Variants in RPS6KA2 observed in about 807,000 individuals in gnomAD.
The protein encoded by RPS6KA2 is ribosomal protein S6 kinase A2, also known as ribosomal protein S6 kinase alpha-2.
RPS6KA2 carries 42 observed loss-of-function variants against 91.8 expected under a neutral mutation model. The observed-to-expected ratio is 0.46, with a 90% CI of 0.36 to 0.59. The LOEUF is 0.59. RPS6KA2 is among the 20% of genes least tolerant of loss of function. The pLI is 0.00. For missense variants in RPS6KA2, 798 were observed against 978.5 expected (o/e 0.82, Z 2.46); for synonymous variants, 414 against 393.6 (o/e 1.05, Z -0.61).
chr6:166,788,011 C>T (rs115986362), intron 2 of RPS6KA2, among the ~76,000 whole-genome samples: 19,557 of 146,258 alleles, frequency 0.13, 1,417 homozygotes, highest in Middle Eastern at 0.18. Flanking sequence ...ATCAAAAAGT[C>T]GGCAAAGGAT....
At chr6:166,427,365 G>A (rs1778962938) in intron 16 of RPS6KA2, among the ~76,000 whole-genome samples, 1 of 152,182 alleles carries the variant, frequency 6.6e-6, no homozygotes. Context: ...AGCAAAAACT[G>A]GAAGCATTCC....
rs1237074193 is a variant in RPS6KA2 at position 166,626,616 on chromosome 6, C to T, written c.99+305G>A. ...GCTGCAGAGAAAGCCCCTCCTCACC[C>T]GGGGCTCCCTGTGGCCCACAGGGGA... On this transcript the variant is annotated intron_variant, in intron 1 of 20. Coordinates refer to ENST00000265678, the MANE Select transcript of RPS6KA2 (RefSeq NM_021135.6). The surrounding 1 kb of genome is among the most constrained non-coding windows in gnomAD (Gnocchi z 4.1). 2.0e-5 allele frequency among the ~76,000 whole-genome samples: 3 copies of T among 152,214 alleles called. No homozygotes were observed. Among genetic ancestry groups the T allele is most frequent in the Non-Finnish European group, 2.9e-5 (2 of 68,030 alleles).
At chr6:166,614,765 C>T (rs958645832) in intron 1 of RPS6KA2, among the ~76,000 whole-genome samples, 1 of 152,226 alleles carries the variant, frequency 6.6e-6, no homozygotes, top group African/African-American at 2.4e-5. Context: ...TCCTCCACCC[C>T]TGTAACCTCT....
chr6:166,612,635 G>T lies in RPS6KA2; in HGVS notation c.99+14286C>A, dbSNP rs138324414. ...GGTCAGACACTGCTTTGCAGAGCCC[G>T]TGGGCTGTGCTCCATTTATCACTCT... On this transcript the variant is annotated intron_variant, in intron 1 of 20. Transcript: ENST00000265678. This position sits in a 1 kb window ranked among gnomAD's most constrained non-coding sequence, Gnocchi z 4.3. 2.6e-5 allele frequency among the ~76,000 whole-genome samples: 4 copies of T among 152,192 alleles called. No homozygotes were observed. Among genetic ancestry groups the T allele is most frequent in the African/African-American group, 9.7e-5 (4 of 41,446 alleles).
chr6:166,472,386 T>A (rs1780806376), intron 10 of RPS6KA2, among the ~76,000 whole-genome samples: 1 of 152,218 alleles, frequency 6.6e-6, no homozygotes, highest in Non-Finnish European at 1.5e-5. Context: ...AACTGGTATA[T>A]GCTGGGTTTA....
At chr6:166,701,178 T>A in intron 2 of RPS6KA2, 1 of 1,612,188 alleles carries the variant, frequency 6.2e-7, no homozygotes, top group Non-Finnish European at 8.5e-7. Context: ...TTTCCTGAAT[T>A]TTTCTCTGGG....
chr6:166,768,026 G>C (rs1217763175), intron 2 of RPS6KA2, among the ~76,000 whole-genome samples: 1 of 152,148 alleles, frequency 6.6e-6, no homozygotes, highest in East Asian at 1.9e-4. Context: ...CCAATACCAG[G>C]AAATCTGAGA....
Position 166,430,456 on chromosome 6 carries a change from CT to C in RPS6KA2, c.1577del (p.Gln526ArgfsTer8), listed in dbSNP as rs1380250233. ...CTGCCCCAGGCATGGCTCCTACCCC[CT>C]GGGAATGGAGGTAGTCCATGGTCTT... is the stretch of plus-strand genomic sequence containing the variant. The part of the protein sequence containing the change: ...ITKTMDYLHS[Q>X]GVVHRDLKPS... On this transcript the variant is annotated frameshift_variant, in exon 16 of 21. Coordinates refer to ENST00000265678, the MANE Select transcript of RPS6KA2 (RefSeq NM_021135.6). LOFTEE classifies it high-confidence loss of function. 6.2e-7 allele frequency: 1 copy of C among 1,611,144 alleles called. No homozygotes were observed. The highest frequency in any genetic ancestry group is 8.5e-7 in the Non-Finnish European group (1 of 1,178,292).
chr6:166,428,165 C>T (rs1026804803), intron 16 of RPS6KA2, among the ~76,000 whole-genome samples: 4 of 151,998 alleles, frequency 2.6e-5, no homozygotes, highest in Non-Finnish European at 4.4e-5. Flanking sequence ...CTACAACTAT[C>T]TGATCTTTGA....
intron 10 of RPS6KA2, among the ~76,000 whole-genome samples, chr6:166,480,350 A>G (rs1307894006): frequency 6.6e-6 from 1 of 151,896 alleles, no homozygotes; most frequent in East Asian, 1.9e-4. Flanking sequence ...ACATTCACGG[A>G]AAGCAACAAG....
At position 166,448,983 on chromosome 6, in the gene RPS6KA2, G is replaced by GGGA. The variant is rs1779766461; in HGVS notation, c.1207-135_1207-134insTCC. On this transcript the variant is annotated intron_variant, in intron 13 of 20. Transcript: ENST00000265678. The surrounding 1 kb of genome is among the most constrained non-coding windows in gnomAD (Gnocchi z 4.7). ...AGTGTGTGGAGGCCTGGGAGCTCATGGGTCCCCCTGCCCAAGGCTGCAGAG... is the reference window on the plus strand; with the variant it reads ...AGTGTGTGGAGGCCTGGGAGCTCATGGGAGGTCCCCCTGCCCAAGGCTGCAGAG... The GGGA allele has an allele frequency of 4.9e-6, 5 of 1,026,872 alleles. No homozygotes were observed. The East Asian group carries it at 1.2e-4, about 26-fold the overall frequency. 63.6% of individuals were successfully genotyped at this position (1,026,872 alleles called of 1,614,324 possible).
chr6:166,755,338 T>G (rs1013645781), intron 2 of RPS6KA2, among the ~76,000 whole-genome samples: 1 of 152,092 alleles, frequency 6.6e-6, no homozygotes, highest in Non-Finnish European at 1.5e-5. Flanking sequence ...AAGAGATGCA[T>G]TGGGCCTCCT....
At chr6:166,814,651 C>T (rs1231020148) in intron 2 of RPS6KA2, among the ~76,000 whole-genome samples, 1 of 152,160 alleles carries the variant, frequency 6.6e-6, no homozygotes, top group African/African-American at 2.4e-5. Context: ...ACATTACTGC[C>T]TGAGCTTCGC....
At chr6:166,420,091 C>A in intron 17 of RPS6KA2, 133 bp from the exon 18 acceptor site, 1 of 776,416 alleles carries the variant, frequency 1.3e-6, no homozygotes. Context: ...TTCGGTGTGA[C>A]CACTGTTTCT....
At chr6:166,591,452 G>A (rs1404659038) in intron 1 of RPS6KA2, among the ~76,000 whole-genome samples, 1 of 152,180 alleles carries the variant, frequency 6.6e-6, no homozygotes, top group African/African-American at 2.4e-5. Flanking sequence ...CAGGATCACT[G>A]CAAATGTGAT....
intron 2 of RPS6KA2, among the ~76,000 whole-genome samples, chr6:166,848,324 G>C (rs1780657034): frequency 6.6e-6 from 1 of 152,214 alleles, no homozygotes; most frequent in Non-Finnish European, 1.5e-5. Context: ...TGTATAACTA[G>C]TACAACCACT....
chr6:166,826,294 C>T (rs1562459307), intron 2 of RPS6KA2, among the ~76,000 whole-genome samples: 1 of 152,226 alleles, frequency 6.6e-6, no homozygotes, highest in Admixed American at 6.5e-5. Flanking sequence ...AGATACGTTT[C>T]CCATTGCCAC....
intron 1 of RPS6KA2, among the ~76,000 whole-genome samples, chr6:166,861,490 T>C (rs7739108): frequency 0.82 from 124,578 of 152,228 alleles, 56,002 homozygotes; most frequent in Non-Finnish European, 0.99. Flanking sequence ...CAGGGAAGCA[T>C]GGAGTGAAAA....
chr6:166,698,387 G>A (rs1183633435), intron 2 of RPS6KA2, among the ~76,000 whole-genome samples: 3 of 152,148 alleles, frequency 2.0e-5, no homozygotes, highest in African/African-American at 7.2e-5. Context: ...AGAGAATGCT[G>A]GCCAGTGGAA....
Sources: allele counts gnomAD v4.1 joint callset (sites outside exome capture counted in the v4.1 genomes callset), GRCh38; gene constraint gnomAD v4.1.1; non-coding constraint Gnocchi (gnomAD v3.1); transcripts MANE v1.5; gene names NCBI Gene and HGNC (gene_info 2026-07-23, HGNC 2026-07-21).